The following SLC45A4 variants were observed in gnomAD, a reference collection of about 807,000 sequenced individuals.
The protein encoded by SLC45A4 is solute carrier family 45 member 4, also known as polyamine-transporter SLC45A4.
SLC45A4 carries 32 observed loss-of-function variants against 63.7 expected under a neutral mutation model. The ratio of observed to expected loss-of-function variants is 0.50; its 90% CI spans 0.38 to 0.67. The LOEUF (loss-of-function observed/expected upper bound fraction) is 0.67. Ranked by LOEUF, SLC45A4 falls within the 30% of genes least tolerant of loss-of-function variation. SLC45A4 has a pLI of 0.00. For missense variants in SLC45A4, 1,027 were observed against 1,157.7 expected (o/e 0.89, Z 1.64); for synonymous variants, 535 against 510.0 (o/e 1.05, Z -0.66).
intron 3 of SLC45A4, among the ~76,000 whole-genome samples, chr8:141,220,869 G>T (rs1372905215): frequency 6.6e-6 from 1 of 152,236 alleles, no homozygotes; most frequent in Admixed American, 6.5e-5. Flanking sequence ...CAGGCAGGGG[G>T]CCGGCAGCTC....
chr8:141,254,831 G>A lies in SLC45A4; in HGVS notation c.-400-202C>T. ...GAAAAACATTTTCTCATACGAAAGTGAATCCTGGGGAAGGACAAAGGTGGG... is the reference window on the plus strand; with the variant it reads ...GAAAAACATTTTCTCATACGAAAGTAAATCCTGGGGAAGGACAAAGGTGGG... On this transcript the variant is annotated intron_variant, in intron 1 of 8. Coordinates refer to ENST00000517878, the MANE Select transcript of SLC45A4 (RefSeq NM_001286646.2). The surrounding 1 kb of genome is among the most constrained non-coding windows in gnomAD (Gnocchi z 4.5). 2.0e-6 allele frequency: 1 copy of A among 489,198 alleles called. No homozygotes were observed. Among genetic ancestry groups the A allele is most frequent in the South Asian group, 1.7e-5 (1 of 58,584 alleles). The allele number at this position is 489,198 out of a possible 1,614,324, so 30.3% of individuals were successfully genotyped here.
chr8:141,253,594 C>T (rs1432228009), intron 2 of SLC45A4, among the ~76,000 whole-genome samples: 1 of 152,190 alleles, frequency 6.6e-6, no homozygotes, highest in African/African-American at 2.4e-5. Context: ...GAAGGGCTCC[C>T]GAATTCGCCT....
At chr8:141,296,458 T>A (rs920254670) in intron 1 of SLC45A4, among the ~76,000 whole-genome samples, 2 of 143,702 alleles carry the variant, frequency 1.4e-5, no homozygotes, top group Non-Finnish European at 3.0e-5. Flanking sequence ...ATGATTGCAC[T>A]GCTGCACTCC....
At chr8:141,222,936 G>A (rs1045130275) in intron 2 of SLC45A4, among the ~76,000 whole-genome samples, 7 of 152,220 alleles carry the variant, frequency 4.6e-5, no homozygotes, top group Admixed American at 1.3e-4. Context: ...GGGGACTTGA[G>A]ATCTGTGCCC....
chr8:141,243,413 G>A (rs551927876), intron 2 of SLC45A4, among the ~76,000 whole-genome samples: 11 of 152,274 alleles, frequency 7.2e-5, no homozygotes, highest in South Asian at 2.1e-4. Context: ...CGTTCCTTCC[G>A]CTGTCAGAAA....
In SLC45A4 at chr8:141,211,314, C is replaced by T. The variant is rs1429013777; in HGVS notation, c.*258G>A. ...AGGAGAGTCCTTCAGACGGGACGAG[C>T]GGGGTCACATGGCTGGGCGCAGACA... On this transcript the variant is annotated 3_prime_UTR_variant, in exon 9 of 9. Coordinates refer to ENST00000517878, the MANE Select transcript of SLC45A4 (RefSeq NM_001286646.2). 9.7e-6 allele frequency: 11 copies of T among 1,128,406 alleles called. No individual in the cohort carries two copies. Among genetic ancestry groups the T allele is most frequent in the Non-Finnish European group, 1.3e-5 (11 of 827,430 alleles). 69.9% of individuals were successfully genotyped at this position (1,128,406 alleles called of 1,614,324 possible). A position where few individuals can be genotyped will look rare whatever the true frequency, so the allele number is the denominator to read the frequency against.
rs148121031 is a variant in SLC45A4, at chr8:141,290,704, T to C, written c.-401+17392A>G. 3.3e-3 allele frequency among the ~76,000 whole-genome samples: 496 copies of C among 152,284 alleles called. 3 individuals are homozygous for C. The highest frequency in any genetic ancestry group is 0.012 in the African/African-American group (482 of 41,552). ...AACACAGCTCCCATGAACGACCAGG[T>C]CAAGCACGTTGTCCTTGGGTCCAGA... On this transcript the variant is annotated intron_variant, in intron 1 of 8. Transcript: ENST00000517878.
intron 2 of SLC45A4, among the ~76,000 whole-genome samples, chr8:141,240,872 G>T (rs192899906): frequency 2.6e-4 from 40 of 152,384 alleles, no homozygotes; most frequent in Non-Finnish European, 3.5e-4. Flanking sequence ...AGTGGGGCCT[G>T]CAGGACGCTT....
chr8:141,237,668 A>G (rs1827700404), intron 2 of SLC45A4, among the ~76,000 whole-genome samples: 1 of 151,934 alleles, frequency 6.6e-6, no homozygotes, highest in Non-Finnish European at 1.5e-5. Context: ...GCCGCCCTCC[A>G]TGCCTTCCCC....
At chr8:141,271,011 G>A (rs1248135747) in intron 1 of SLC45A4, among the ~76,000 whole-genome samples, 1 of 152,172 alleles carries the variant, frequency 6.6e-6, no homozygotes, top group African/African-American at 2.4e-5. Context: ...GGGTGCTAAC[G>A]CCAAGCCAGA....
At chr8:141,291,427 T>C (rs1197067390) in intron 1 of SLC45A4, among the ~76,000 whole-genome samples, 1 of 152,218 alleles carries the variant, frequency 6.6e-6, no homozygotes, top group Non-Finnish European at 1.5e-5. Flanking sequence ...TTTTGTAGTT[T>C]ACTTCAGAAT....
chr8:141,230,248 C>T, intron 2 of SLC45A4: 1 of 390,834 alleles, frequency 2.6e-6, no homozygotes, highest in Non-Finnish European at 5.0e-6. Context: ...CAGGGCTGGG[C>T]CCTGGAGGTC....
intron 1 of SLC45A4, among the ~76,000 whole-genome samples, chr8:141,277,035 G>A (rs1330518986): frequency 6.6e-6 from 1 of 152,256 alleles, no homozygotes; most frequent in Non-Finnish European, 1.5e-5. Flanking sequence ...AGCAAGGGAA[G>A]GCAGGCAGAG....
chr8:141,271,446 C>T (rs757378266), intron 1 of SLC45A4, among the ~76,000 whole-genome samples: 29 of 152,334 alleles, frequency 1.9e-4, no homozygotes, highest in Non-Finnish European at 4.1e-4. Context: ...ACATGGCTGG[C>T]GACTGGCTCA....
chr8:141,223,443 G>A (rs2154614122), intron 2 of SLC45A4, among the ~76,000 whole-genome samples: 1 of 152,270 alleles, frequency 6.6e-6, no homozygotes, highest in East Asian at 1.9e-4. Flanking sequence ...CGCAGAGGGC[G>A]CAACACTCAA....
In SLC45A4 at chr8:141,261,948, G is replaced by A. The variant is rs192974527; in HGVS notation, c.-400-7319C>T. On this transcript the variant is annotated intron_variant, in intron 1 of 8. Coordinates refer to ENST00000517878, the MANE Select transcript of SLC45A4 (RefSeq NM_001286646.2). ...AAAAGAACAAAGCTGGAGGCATCAC[G>A]CTACCTGACTTCAAACTATACTACA... Among the ~76,000 whole-genome samples, 1,253 of 152,144 alleles carry A rather than the reference G, an allele frequency of 8.2e-3. 57 individuals are homozygous for A. The highest frequency in any genetic ancestry group is 0.074 in the Admixed American group (1,126 of 15,278).
intron 1 of SLC45A4, among the ~76,000 whole-genome samples, chr8:141,257,726 C>T (rs1361386306): frequency 3.9e-5 from 6 of 152,146 alleles, no homozygotes; most frequent in Admixed American, 6.5e-5. Flanking sequence ...TCTCTGCTTG[C>T]GACAACAGGG....
chr8:141,215,347 G>A lies in SLC45A4; in HGVS notation c.1941+412C>T, dbSNP rs1206432277. Reference sequence around the variant, plus strand: ...GGTTGAATAAATATGCTATGAAAATGGCCTTCACTGGCCTTTTCACTTTCT... The same window carrying A: ...GGTTGAATAAATATGCTATGAAAATAGCCTTCACTGGCCTTTTCACTTTCT... On this transcript the variant is annotated intron_variant, in intron 7 of 8. Transcript: ENST00000517878. This position sits in a 1 kb window ranked among gnomAD's most constrained non-coding sequence, Gnocchi z 4.3. Among the ~76,000 whole-genome samples, 2 of 152,164 alleles carry A rather than the reference G, an allele frequency of 1.3e-5. No individual in the cohort carries two copies. Among genetic ancestry groups the A allele is most frequent in the Non-Finnish European group, 2.9e-5 (2 of 68,040 alleles).
At chr8:141,281,967 C>A (rs1323765370) in intron 1 of SLC45A4, among the ~76,000 whole-genome samples, 3 of 152,000 alleles carry the variant, frequency 2.0e-5, no homozygotes, top group Non-Finnish European at 2.9e-5. Context: ...CTGCCCCGAG[C>A]TGCACGGCAC....
Sources: allele counts gnomAD v4.1 joint callset (sites outside exome capture counted in the v4.1 genomes callset), GRCh38; gene constraint gnomAD v4.1.1; non-coding constraint Gnocchi (gnomAD v3.1); transcripts MANE v1.5; gene names NCBI Gene and HGNC (gene_info 2026-07-23, HGNC 2026-07-21).